Variants in CBLN2 observed in about 807,000 individuals in gnomAD.
CBLN2 encodes the protein cerebellin 2 precursor.
In CBLN2, 7 loss-of-function variants were observed where a neutral mutation model predicts 15.0. The ratio of observed to expected loss-of-function variants is 0.47; its 90% CI spans 0.27 to 0.88. The LOEUF is 0.88. Among genes scored for constraint, CBLN2 ranks in the 40% least tolerant of loss-of-function variants. CBLN2 has a pLI of 0.14. For missense variants in CBLN2, 242 were observed against 304.5 expected (o/e 0.79, Z 1.53); for synonymous variants, 149 against 135.2 (o/e 1.10, Z -0.71).
intron 1 of CBLN2, among the ~76,000 whole-genome samples, chr18:72,621,809 T>C (rs1165449061): frequency 6.6e-6 from 1 of 152,216 alleles, no homozygotes; most frequent in Non-Finnish European, 1.5e-5. Flanking sequence ...AGGTTTCCAA[T>C]GGTATCATTG....
intron 3 of CBLN2, among the ~76,000 whole-genome samples, 188 bp downstream of exon 3, chr18:72,541,616 G>T (rs1287782354): frequency 6.6e-6 from 1 of 152,216 alleles, no homozygotes; most frequent in Non-Finnish European, 1.5e-5. Flanking sequence ...TTTTTAAAAA[G>T]CCAAAATGTG....
rs1335773715 is a variant in CBLN2 at position 72,620,204 on chromosome 18, C to T, written c.15+18121G>A. On this transcript the variant is annotated intron_variant, in intron 1 of 2. Transcript: ENST00000581073. The stretch of plus-strand genomic sequence containing the variant: ...TCAGTAAGCCCTTTGCCTTCTTGCA[C>T]AGGGTGGCTGCCTTCCACTACTGAG... The T allele has an allele frequency of 5.9e-5, 9 of 152,262 alleles. No homozygotes were observed. The East Asian group carries it at 1.7e-3, about 29-fold the overall frequency. 9.4% of individuals were successfully genotyped at this position (152,262 alleles called of 1,614,324 possible).
intron 1 of CBLN2, among the ~76,000 whole-genome samples, chr18:72,560,259 C>T (rs970133162): frequency 6.6e-6 from 1 of 152,158 alleles, no homozygotes; most frequent in African/African-American, 2.4e-5. Context: ...CAGTCATGGA[C>T]AGAGATCATC....
chr18:72,627,557 G>A (rs2069748361), intron 1 of CBLN2, among the ~76,000 whole-genome samples: 1 of 152,188 alleles, frequency 6.6e-6, no homozygotes, highest in Non-Finnish European at 1.5e-5. Flanking sequence ...ATAGTTGGTT[G>A]TGCTTCACCA....
At chr18:72,579,799 A>G (rs1306127348) in intron 1 of CBLN2, among the ~76,000 whole-genome samples, 1 of 152,034 alleles carries the variant, frequency 6.6e-6, no homozygotes, top group Non-Finnish European at 1.5e-5. Context: ...AAATAAGTCT[A>G]CTCAATTTTT....
chr18:72,577,977 T>A (rs565945122), intron 1 of CBLN2, among the ~76,000 whole-genome samples: 1 of 152,336 alleles, frequency 6.6e-6, no homozygotes, highest in African/African-American at 2.4e-5. Context: ...TATTTCATTT[T>A]TCTGTAGTTG....
At chr18:72,603,148 C>T (rs921765986) in intron 1 of CBLN2, among the ~76,000 whole-genome samples, 3 of 152,242 alleles carry the variant, frequency 2.0e-5, no homozygotes, top group Non-Finnish European at 4.4e-5. Flanking sequence ...TTTCCTCTGT[C>T]CTGTTTCTTT....
intron 1 of CBLN2, among the ~76,000 whole-genome samples, chr18:72,586,332 A>G (rs2144924665): frequency 6.6e-6 from 1 of 152,236 alleles, no homozygotes; most frequent in Non-Finnish European, 1.5e-5. Context: ...TCTTTAATTT[A>G]ATATGTATGC....
intron 1 of CBLN2, among the ~76,000 whole-genome samples, chr18:72,570,077 T>A (rs1179813466): frequency 1.3e-5 from 2 of 152,178 alleles, no homozygotes; most frequent in African/African-American, 4.8e-5. Flanking sequence ...TTGTGGTGGT[T>A]ATGTTTTATG....
At chr18:72,588,177 G>A (rs763754344) in intron 1 of CBLN2, among the ~76,000 whole-genome samples, 17 of 152,128 alleles carry the variant, frequency 1.1e-4, no homozygotes, top group Non-Finnish European at 1.5e-4. Flanking sequence ...TTTCCAGGGC[G>A]TCTGTGATAA....
chr18:72,586,424 A>G (rs2144924783), intron 1 of CBLN2, among the ~76,000 whole-genome samples: 1 of 152,286 alleles, frequency 6.6e-6, no homozygotes, highest in East Asian at 1.9e-4. Context: ...TTATGTCCAA[A>G]ACTTCTTAAA....
chr18:72,578,947 G>A (rs1184937714), intron 1 of CBLN2, among the ~76,000 whole-genome samples: 1 of 152,148 alleles, frequency 6.6e-6, no homozygotes. Context: ...CGCTATCCAT[G>A]TCGCTCTCTG....
At chr18:72,585,477 G>A (rs917142644) in intron 1 of CBLN2, among the ~76,000 whole-genome samples, 1 of 152,184 alleles carries the variant, frequency 6.6e-6, no homozygotes, top group African/African-American at 2.4e-5. Flanking sequence ...GAAACCCAGA[G>A]TGGGTAGCTC....
chr18:72,592,585 A>G (rs144193787), intron 1 of CBLN2, among the ~76,000 whole-genome samples: 170 of 151,628 alleles, frequency 1.1e-3, no homozygotes, highest in African/African-American at 3.8e-3. Flanking sequence ...TGTCCTGGAG[A>G]TTTTCTCCAA....
intron 1 of CBLN2, among the ~76,000 whole-genome samples, chr18:72,580,698 A>G (rs933962102): frequency 7.2e-5 from 11 of 152,208 alleles, no homozygotes; most frequent in African/African-American, 2.7e-4. Flanking sequence ...AAAGTATTTT[A>G]TTGTGTAAAT....
intron 1 of CBLN2, among the ~76,000 whole-genome samples, chr18:72,561,640 C>T (rs2069262312): frequency 6.6e-6 from 1 of 152,192 alleles, no homozygotes; most frequent in Non-Finnish European, 1.5e-5. Flanking sequence ...CAGAAAGCAG[C>T]AGAAATTATC....
chr18:72,576,411 T>C (rs981887418), intron 1 of CBLN2, among the ~76,000 whole-genome samples: 2 of 152,180 alleles, frequency 1.3e-5, no homozygotes, highest in South Asian at 4.1e-4. Context: ...TTTGCCAATA[T>C]TTAAAAAGTG....
At position 72,554,212 on chromosome 18, in the gene CBLN2, A is replaced by G. The variant is rs1489948631; in HGVS notation, c.16-15440T>C. On this transcript the variant is annotated intron_variant, in intron 1 of 2. Coordinates refer to the CBLN2 transcript ENST00000581073. ...TTTTGTTTTGGTTTGACTCTGATTAAAGCAGTCAAATTGAAATGTATTATA... is the reference window on the plus strand; with the variant it reads ...TTTTGTTTTGGTTTGACTCTGATTAGAGCAGTCAAATTGAAATGTATTATA... Among the ~76,000 whole-genome samples the G allele has an allele frequency of 3.9e-5, 6 of 152,148 alleles. No individual in the cohort carries two copies. In the South Asian group the frequency reaches 6.2e-4, roughly 16 times the overall value.
intron 1 of CBLN2, among the ~76,000 whole-genome samples, chr18:72,598,347 G>A (rs2069526244): frequency 6.6e-6 from 1 of 152,190 alleles, no homozygotes; most frequent in African/African-American, 2.4e-5. Flanking sequence ...TCATCTGGAA[G>A]CTAGGGTCTA....
Sources: allele counts gnomAD v4.1 joint callset (sites outside exome capture counted in the v4.1 genomes callset), GRCh38; gene constraint gnomAD v4.1.1; transcripts MANE v1.5; gene names NCBI Gene and HGNC (gene_info 2026-07-23, HGNC 2026-07-21).